Variants in KANSL1L observed in about 807,000 individuals in gnomAD.
KANSL1L encodes the protein KAT8 regulatory NSL complex subunit 1 like, also known as KAT8 regulatory NSL complex subunit 1-like protein.
Under a neutral mutation model 108.6 loss-of-function variants are expected in KANSL1L, and 25 were observed. The observed-to-expected ratio is 0.23, with a 90% CI of 0.17 to 0.32. The LOEUF is 0.32. KANSL1L is among the 10% of genes least tolerant of loss of function. KANSL1L has a pLI of 1.00. For missense variants in KANSL1L, 1,137 were observed against 1,125.7 expected (o/e 1.01, Z -0.14); for synonymous variants, 405 against 395.1 (o/e 1.03, Z -0.30).
At chr2:210,064,053 T>G (rs994229492) in intron 6 of KANSL1L, 6 of 152,104 alleles carry the variant, frequency 3.9e-5, no homozygotes, top group Admixed American at 3.9e-4. Flanking sequence ...GCTGTTCTTG[T>G]GATAGTGAAT....
chr2:210,056,669 T>G (rs1426610949), intron 6 of KANSL1L, among the ~76,000 whole-genome samples: 2 of 152,072 alleles, frequency 1.3e-5, no homozygotes, highest in South Asian at 4.1e-4. Flanking sequence ...TTAGTAGAGA[T>G]AGAGTTTCAC....
intron 1 of KANSL1L, chr2:210,170,262 G>A (rs1285628351): frequency 5.1e-6 from 3 of 592,346 alleles, no homozygotes; most frequent in Non-Finnish European, 6.4e-6. Flanking sequence ...TAAAGACGAA[G>A]GAAGTTTGTC....
rs115439815 is a variant in KANSL1L at position 210,027,582 on chromosome 2, G to A, written c.2397-232C>T. ...GGTGAATAGTCTGTTCTGTATAGCTGCATTTTATACATAATAATTATGTAC... is the reference window on the plus strand; with the variant it reads ...GGTGAATAGTCTGTTCTGTATAGCTACATTTTATACATAATAATTATGTAC... On this transcript the variant is annotated intron_variant, in intron 11 of 14. Coordinates refer to ENST00000281772, the MANE Select transcript of KANSL1L (RefSeq NM_152519.4). Among the ~76,000 whole-genome samples the A allele has an allele frequency of 5.5e-3, 838 of 152,282 alleles. 5 individuals are homozygous for A. The highest frequency in any genetic ancestry group is 0.018 in the African/African-American group (746 of 41,562).
chr2:210,112,503 C>T (rs1252751780), intron 3 of KANSL1L, among the ~76,000 whole-genome samples: 1 of 151,914 alleles, frequency 6.6e-6, no homozygotes, highest in Non-Finnish European at 1.5e-5. Context: ...AGTAAAATAC[C>T]ATTTAAGAGT....
intron 2 of KANSL1L, chr2:210,152,653 T>C (rs2095310934): frequency 6.6e-6 from 1 of 152,238 alleles, no homozygotes; most frequent in South Asian, 2.1e-4. Flanking sequence ...ATTATAGTTT[T>C]GTTTTAGTTA....
intron 4 of KANSL1L, among the ~76,000 whole-genome samples, chr2:210,099,617 T>G (rs1008847624): frequency 6.6e-6 from 1 of 152,184 alleles, no homozygotes; most frequent in Non-Finnish European, 1.5e-5. Context: ...GTCATGCAAA[T>G]AAATTCTGAA....
intron 2 of KANSL1L, among the ~76,000 whole-genome samples, chr2:210,148,705 G>A (rs2095282224): frequency 6.6e-6 from 1 of 151,996 alleles, no homozygotes; most frequent in African/African-American, 2.4e-5. Context: ...CTAATTTATT[G>A]CCTACTACAT....
chr2:210,054,246 C>T (rs1356784590), intron 6 of KANSL1L, among the ~76,000 whole-genome samples: 2 of 149,968 alleles, frequency 1.3e-5, no homozygotes, highest in Non-Finnish European at 2.9e-5. Context: ...GGCGTGAACT[C>T]AGGAGGCGGA....
chr2:210,045,967 G>GA (rs575398812), intron 6 of KANSL1L, among the ~76,000 whole-genome samples: 10 of 152,198 alleles, frequency 6.6e-5, no homozygotes, highest in African/African-American at 2.4e-4. Context: ...GTAAATAATA[G>GA]AAATTTACTT....
intron 6 of KANSL1L, among the ~76,000 whole-genome samples, chr2:210,070,777 C>G (rs577799558): frequency 6.6e-6 from 1 of 152,318 alleles, no homozygotes; most frequent in Non-Finnish European, 1.5e-5. Flanking sequence ...AAGAGGAAGA[C>G]TCTGCTAGGC....
At chr2:210,053,529 G>A (rs532431236) in intron 6 of KANSL1L, among the ~76,000 whole-genome samples, 69 of 152,112 alleles carry the variant, frequency 4.5e-4, no homozygotes, top group African/African-American at 1.5e-3. Context: ...CCTGGGAGGC[G>A]AAGGCTACAG....
At chr2:210,051,249 T>C (rs2094289483) in intron 6 of KANSL1L, among the ~76,000 whole-genome samples, 1 of 152,194 alleles carries the variant, frequency 6.6e-6, no homozygotes, top group Non-Finnish European at 1.5e-5. Flanking sequence ...CTTCTCTTCA[T>C]GGACCTTTAT....
chr2:210,046,564 C>T (rs1447145226), intron 6 of KANSL1L, among the ~76,000 whole-genome samples: 1 of 152,058 alleles, frequency 6.6e-6, no homozygotes, highest in Non-Finnish European at 1.5e-5. Flanking sequence ...CAACCCAACA[C>T]GGCAAATTCC....
intron 2 of KANSL1L, among the ~76,000 whole-genome samples, chr2:210,129,772 A>G (rs2125543649): frequency 6.6e-6 from 1 of 152,288 alleles, no homozygotes; most frequent in South Asian, 2.1e-4. Flanking sequence ...TATTTAAGAT[A>G]AACTGTTCCT....
At chr2:210,069,828 T>C (rs1290598466) in intron 6 of KANSL1L, among the ~76,000 whole-genome samples, 3 of 27,178 alleles carry the variant, frequency 1.1e-4, no homozygotes, top group African/African-American at 4.8e-4. Context: ...TTTTTTTTTT[T>C]TTTTTTTTTT....
At chr2:210,064,079 T>C (rs1018562498) in intron 6 of KANSL1L, 2 of 152,166 alleles carry the variant, frequency 1.3e-5, no homozygotes, top group African/African-American at 2.4e-5. Context: ...TCACAAGATC[T>C]GATGGTTTTA....
intron 5 of KANSL1L, among the ~76,000 whole-genome samples, chr2:210,096,078 C>T (rs977179513): frequency 6.6e-5 from 10 of 152,032 alleles, no homozygotes; most frequent in Non-Finnish European, 7.4e-5. Context: ...CAAAAGCAAA[C>T]CTTTTCAATT....
At chr2:210,162,541 AG>A (rs1355326759) in intron 1 of KANSL1L, among the ~76,000 whole-genome samples, 2 of 152,106 alleles carry the variant, frequency 1.3e-5, no homozygotes, top group Non-Finnish European at 2.9e-5. Context: ...AGTTCAAGCA[AG>A]AATTCATAAT....
At chr2:210,162,504 T>G (rs1452150952) in intron 1 of KANSL1L, among the ~76,000 whole-genome samples, 3 of 151,950 alleles carry the variant, frequency 2.0e-5, no homozygotes, top group Admixed American at 6.6e-5. Flanking sequence ...AACATTCAAG[T>G]GGAAACAGCT....
Sources: gnomAD v4.1 joint callset for allele counts (sites outside exome capture counted in the v4.1 genomes callset) on GRCh38, gnomAD v4.1.1 for gene constraint, MANE v1.5 for transcripts, NCBI Gene and HGNC (gene_info 2026-07-23, HGNC 2026-07-21) for gene names.